Variants in MTMR12 observed in about 807,000 individuals in gnomAD.
The protein encoded by MTMR12 is myotubularin related protein 12.
In MTMR12, 33 loss-of-function variants were observed where a neutral mutation model predicts 96.7. The observed-to-expected ratio is 0.34, with a 90% CI of 0.26 to 0.46. The LOEUF is 0.46. MTMR12 is among the 20% of genes least tolerant of loss of function. The pLI is 1.00. For missense variants in MTMR12, 721 were observed against 896.1 expected, an observed-to-expected ratio of 0.80 and a Z score of 2.49; for synonymous variants, 298 against 327.2, an observed-to-expected ratio of 0.91 and a Z score of 0.96.
intron 8 of MTMR12, among the ~76,000 whole-genome samples, chr5:32,252,524 T>C (rs1435862882): frequency 1.3e-5 from 2 of 152,240 alleles, no homozygotes; most frequent in Non-Finnish European, 2.9e-5. Flanking sequence ...AAAATGTATG[T>C]ACATGCAATC....
intron 12 of MTMR12, among the ~76,000 whole-genome samples, 179 bp from the exon 13 acceptor site, chr5:32,239,352 CT>C (rs1748372189): frequency 6.6e-6 from 1 of 152,254 alleles, no homozygotes; most frequent in Non-Finnish European, 1.5e-5. Context: ...TGTTTTCAGA[CT>C]GAGACATGAA....
rs901025609 is a variant in MTMR12, at chr5:32,232,885, C to T, written c.1674+888G>A. ...AACTCTGACACCAGAAAGGGCCAGG[C>T]TTTCTGAAGCCCTCCAGATCAGGCA... On this transcript the variant is annotated intron_variant, in intron 15 of 15. Transcript: ENST00000382142. 3 of 890,094 alleles carry T rather than the reference C, an allele frequency of 3.4e-6. No individual in the cohort carries two copies. In the African/African-American group the frequency reaches 5.4e-5, roughly 16 times the overall value. 55.1% of individuals were successfully genotyped at this position (890,094 alleles called of 1,614,324 possible). A position where few individuals can be genotyped will look rare whatever the true frequency, so the allele number is the denominator to read the frequency against.
chr5:32,237,116 T>C (rs1176029480), intron 13 of MTMR12, among the ~76,000 whole-genome samples: 1 of 152,242 alleles, frequency 6.6e-6, no homozygotes, highest in Non-Finnish European at 1.5e-5. Flanking sequence ...GCCATGGCTC[T>C]GTGTGCCCAC....
chr5:32,306,068 A>G (rs908583550), intron 1 of MTMR12, among the ~76,000 whole-genome samples: 1 of 152,224 alleles, frequency 6.6e-6, no homozygotes, highest in Non-Finnish European at 1.5e-5. Context: ...GCCAAAAAAG[A>G]AATTGCTACT....
intron 7 of MTMR12, among the ~76,000 whole-genome samples, chr5:32,257,982 C>T (rs1215600831): frequency 6.6e-6 from 1 of 151,838 alleles, no homozygotes; most frequent in African/African-American, 2.4e-5. Context: ...AAAAATTGAG[C>T]CGAGCATAGT....
At chr5:32,253,281 A>G (rs575250180) in intron 8 of MTMR12, among the ~76,000 whole-genome samples, 1 of 152,356 alleles carries the variant, frequency 6.6e-6, no homozygotes, top group Admixed American at 6.5e-5. Context: ...AGAAAATGAA[A>G]AACAAGAGGC....
At chr5:32,238,143 C>CAAAAAA (rs746835069) in intron 13 of MTMR12, among the ~76,000 whole-genome samples, 2 of 58,968 alleles carry the variant, frequency 3.4e-5, no homozygotes, top group Non-Finnish European at 6.6e-5. Context: ...GACTCCGTCT[C>CAAAAAA]AAAAAAAAAA....
chr5:32,263,055 A>G, intron 7 of MTMR12, 58 bp downstream of exon 7: 1 of 1,596,468 alleles, frequency 6.3e-7, no homozygotes, highest in South Asian at 1.1e-5. Flanking sequence ...ATACTAAAAA[A>G]CACTGTACAC....
chr5:32,231,273 C>T (rs970150839), intron 15 of MTMR12, among the ~76,000 whole-genome samples: 5 of 149,824 alleles, frequency 3.3e-5, no homozygotes, highest in Admixed American at 6.7e-5. Context: ...GGTGGGCACC[C>T]GAGGCTGAGG....
intron 8 of MTMR12, among the ~76,000 whole-genome samples, chr5:32,252,060 A>C (rs1012046277): frequency 2.0e-5 from 3 of 152,222 alleles, no homozygotes; most frequent in African/African-American, 4.8e-5. Flanking sequence ...CGTTAAGCAC[A>C]GTTTGCTGTT....
chr5:32,246,505 C>T (rs554271042), intron 10 of MTMR12, among the ~76,000 whole-genome samples: 1 of 152,292 alleles, frequency 6.6e-6, no homozygotes, highest in South Asian at 2.1e-4. Context: ...ATTGTGTAGG[C>T]TGAACCAACT....
Position 32,268,718 on chromosome 5 carries a change from G to A in MTMR12, c.566C>T (p.Ala189Val). The A allele has an allele frequency of 1.2e-6, 2 of 1,613,630 alleles. No individual in the cohort carries two copies. Among genetic ancestry groups the A allele is most frequent in the Non-Finnish European group, 1.7e-6 (2 of 1,179,574 alleles). Residue 189 changes from alanine (A) to valine (V), a missense_variant, in exon 6 of 16, where the codon GCT becomes GTT. Physicochemically the swap from Ala to Val is moderately conservative, Grantham distance 64. Coordinates refer to ENST00000382142, the MANE Select transcript of MTMR12 (RefSeq NM_001040446.3). ...ATATTTACCTGTATTGTTTTGTGCA[G>A]CAGTCGCATAGGAAAACAGAAATAA... ...KRLFLFSYAT[A>V]AQNNTVTDPK...
intron 1 of MTMR12, among the ~76,000 whole-genome samples, chr5:32,293,175 T>C (rs1750801227): frequency 6.6e-6 from 1 of 152,194 alleles, no homozygotes. Context: ...GGACTTGTGA[T>C]GGTTAATACT....
intron 1 of MTMR12, among the ~76,000 whole-genome samples, chr5:32,281,265 C>CA (rs1178163931): frequency 1.1e-4 from 14 of 132,668 alleles, no homozygotes; most frequent in African/African-American, 3.1e-4. Context: ...AAAAAAAAAA[C>CA]AAAAAAAACT....
intron 2 of MTMR12, among the ~76,000 whole-genome samples, chr5:32,274,593 TGAGA>T (rs1749977391): frequency 1.3e-5 from 2 of 152,118 alleles, no homozygotes; most frequent in Admixed American, 1.3e-4. Flanking sequence ...CTGGAAGTGC[TGAGA>T]GAGAGTGACA....
intron 1 of MTMR12, among the ~76,000 whole-genome samples, chr5:32,287,101 T>C (rs557214855): frequency 6.6e-6 from 1 of 152,192 alleles, no homozygotes; most frequent in Non-Finnish European, 1.5e-5. Flanking sequence ...ACTCAGCAAG[T>C]GTTATTTATA....
At chr5:32,247,891 C>T in intron 10 of MTMR12, 111 bp downstream of exon 10, 1 of 1,468,810 alleles carries the variant, frequency 6.8e-7, no homozygotes, top group Non-Finnish European at 9.1e-7. Flanking sequence ...CAGCCCTGGG[C>T]TCTGCGTACT....
chr5:32,283,066 T>C (rs1396055745), intron 1 of MTMR12, among the ~76,000 whole-genome samples: 4 of 152,172 alleles, frequency 2.6e-5, no homozygotes, highest in Admixed American at 2.6e-4. Flanking sequence ...TGGAGTGGGT[T>C]CCCCTGAAAT....
At chr5:32,234,686 G>A (rs553830440) in intron 14 of MTMR12, 2 of 226,682 alleles carry the variant, frequency 8.8e-6, no homozygotes, top group Non-Finnish European at 8.6e-6. Context: ...ATGCCATAGG[G>A]TGCTGTAAGG....
Sources: allele counts gnomAD v4.1 joint callset (sites outside exome capture counted in the v4.1 genomes callset), GRCh38; gene constraint gnomAD v4.1.1; transcripts MANE v1.5; gene names NCBI Gene and HGNC (gene_info 2026-07-23, HGNC 2026-07-21).